The following TBCD variants were observed in gnomAD, a reference collection of about 807,000 sequenced individuals.
The protein encoded by TBCD is tubulin-specific chaperone D.
TBCD carries 105 observed loss-of-function variants against 169.3 expected under a neutral mutation model. That is an observed-to-expected ratio of 0.62 (90% CI 0.53 to 0.73). The LOEUF is 0.73. TBCD is among the 30% of genes least tolerant of loss of function. TBCD has a pLI of 0.00. For missense variants in TBCD, 1,444 were observed against 1,600.1 expected (o/e 0.90, Z 1.66); for synonymous variants, 700 against 643.9 (o/e 1.09, Z -1.32).
chr17:82,859,408 G>C (rs2056581792), intron 13 of TBCD, among the ~76,000 whole-genome samples: 1 of 140,372 alleles, frequency 7.1e-6, no homozygotes, highest in Non-Finnish European at 1.5e-5. Context: ...CCGGCTCTGT[G>C]TCCTCCCCGC....
chr17:82,923,824 G>T lies in TBCD; in HGVS notation c.2260+91G>T, dbSNP rs552575197. 3.8e-4 allele frequency: 395 copies of T among 1,037,776 alleles called. 5 individuals are homozygous for T. The South Asian group carries it at 5.5e-3, about 14-fold the overall frequency. 64.3% of individuals were successfully genotyped at this position (1,037,776 alleles called of 1,614,324 possible). A position where few individuals can be genotyped will look rare whatever the true frequency, so the allele number is the denominator to read the frequency against. On this transcript the variant is annotated intron_variant, in intron 26 of 38. Coordinates refer to ENST00000355528, the MANE Select transcript of TBCD (RefSeq NM_005993.5). The surrounding 1 kb of genome is among the most constrained non-coding windows in gnomAD (Gnocchi z 4.6). The stretch of plus-strand genomic sequence containing the variant: ...TGGGCACGGAGGAGGCCTCGGTTGT[G>T]CAGTGGAGCAGAGCCACCACGATCA...
In TBCD at chr17:82,945,215, T is replaced by C. The variant is rs1455017106; in HGVS notation, c.*2752T>C. ...GCTTAGACACAGCTGAAGAGAGAAT[T>C]AGAAAACTGGAAGATCTGAAAACAT... is the stretch of plus-strand genomic sequence containing the variant. On this transcript the variant is annotated 3_prime_UTR_variant, in exon 39 of 39. Coordinates refer to ENST00000355528, the MANE Select transcript of TBCD (RefSeq NM_005993.5). 1 of 152,210 alleles carries C rather than the reference T, an allele frequency of 6.6e-6. No homozygotes were observed. 9.4% of individuals were successfully genotyped at this position (152,210 alleles called of 1,614,324 possible).
chr17:82,868,167 TGAG>T (rs1003230101), intron 13 of TBCD, among the ~76,000 whole-genome samples: 1 of 150,616 alleles, frequency 6.6e-6, no homozygotes, highest in Non-Finnish European at 1.5e-5. Context: ...TGTGGAGGAG[TGAG>T]GAGGAGCCGG....
intron 27 of TBCD, 29 bp downstream of exon 27, chr17:82,925,086 G>C: frequency 6.6e-7 from 1 of 1,523,416 alleles, no homozygotes. Context: ...AGTGGACGGG[G>C]CCTAGGGCGA....
intron 34 of TBCD, among the ~76,000 whole-genome samples, chr17:82,936,242 T>C (rs556585720): frequency 1.3e-5 from 2 of 152,378 alleles, no homozygotes; most frequent in African/African-American, 4.8e-5. Flanking sequence ...TGATTCTCTC[T>C]GAAGATGTCT....
At chr17:82,754,523 G>A (rs889443947) in intron 1 of TBCD, among the ~76,000 whole-genome samples, 19 of 152,344 alleles carry the variant, frequency 1.2e-4, no homozygotes, top group Non-Finnish European at 1.9e-4. Context: ...ATTAGGTTAC[G>A]CCTTAGCGGA....
At chr17:82,937,211 A>G (rs2062704602) in intron 34 of TBCD, 60 bp from the exon 35 acceptor site, 2 of 1,498,416 alleles carry the variant, frequency 1.3e-6, no homozygotes, top group Non-Finnish European at 1.9e-6. Context: ...AGACAGAAAA[A>G]GTGTGCATCC....
At chr17:82,895,448 G>A (rs192495106) in intron 17 of TBCD, among the ~76,000 whole-genome samples, 14 of 152,334 alleles carry the variant, frequency 9.2e-5, no homozygotes, top group Non-Finnish European at 1.8e-4. Context: ...GGGCCCTGGC[G>A]GGGAGCTGCT....
Position 82,832,539 on chromosome 17 carries a change from C to T in TBCD, c.1318+17605C>T, listed in dbSNP as rs2053610971. 1 of 1,223,826 alleles carries T rather than the reference C, an allele frequency of 8.2e-7. No individual in the cohort carries two copies. Among genetic ancestry groups the T allele is most frequent in the African/African-American group, 1.5e-5 (1 of 67,646 alleles). The allele number at this position is 1,223,826 out of a possible 1,614,324, so 75.8% of individuals were successfully genotyped here. A position where few individuals can be genotyped will look rare whatever the true frequency, so the allele number is the denominator to read the frequency against. On this transcript the variant is annotated intron_variant, in intron 13 of 38. Transcript: ENST00000355528. The surrounding 1 kb of genome is among the most constrained non-coding windows in gnomAD (Gnocchi z 4.9). Reference sequence around the variant, plus strand: ...GTGCACTTCGTGGTTTCTAAAGAGGCACCTCCCGCTTTGCTTTCTTTCCCG... The same window carrying T: ...GTGCACTTCGTGGTTTCTAAAGAGGTACCTCCCGCTTTGCTTTCTTTCCCG...
In TBCD at chr17:82,781,515, G is replaced by T; in HGVS notation, c.639-74G>T. The T allele has an allele frequency of 2.5e-6, 4 of 1,575,408 alleles. No individual in the cohort carries two copies. In the South Asian group the frequency reaches 4.7e-5, roughly 19 times the overall value. On this transcript the variant is annotated intron_variant, in intron 6 of 38. Transcript: ENST00000355528. The stretch of plus-strand genomic sequence containing the variant: ...TGGGAGGGCCTGGGGAGGTGGGTGT[G>T]TGTGGGGTGGGCTGGTGAGGCGTGG...
At chr17:82,927,518 G>C (rs1388175710) in intron 29 of TBCD, among the ~76,000 whole-genome samples, 195 bp downstream of exon 29, 1 of 152,222 alleles carries the variant, frequency 6.6e-6, no homozygotes, top group Non-Finnish European at 1.5e-5. Flanking sequence ...GCAGGTGCTT[G>C]TCCAGCCCGT....
At chr17:82,933,327 T>G (rs1568087353) in intron 34 of TBCD, among the ~76,000 whole-genome samples, 1 of 141,196 alleles carries the variant, frequency 7.1e-6, no homozygotes, top group Non-Finnish European at 1.5e-5. Context: ...CAGGCTGGAG[T>G]GCAGTGGCAC....
Position 82,942,713 on chromosome 17 carries a change from C to T in TBCD, c.*250C>T. The T allele has an allele frequency of 1.7e-6, 1 of 594,778 alleles. No homozygotes were observed. The highest frequency in any genetic ancestry group is 2.0e-5 in the South Asian group (1 of 49,650). 36.8% of individuals were successfully genotyped at this position (594,778 alleles called of 1,614,324 possible). On this transcript the variant is annotated 3_prime_UTR_variant, in exon 39 of 39. Coordinates refer to ENST00000355528, the MANE Select transcript of TBCD (RefSeq NM_005993.5). ...AAATCATGTACCAAGAAGTTCCTGC[C>T]TTTTGTCTCTGAGCCTGATGTGTGT...
Position 82,907,741 on chromosome 17 carries a change from C to CTG in TBCD, c.1923-16_1923-15dup, listed in dbSNP as rs779732545. Reference sequence around the variant, plus strand: ...GGTCTTGGGGAGTGTGACTTCAGCTCTGTGTTTGAACTTCTGCAGGCCCGT... The same window carrying CTG: ...GGTCTTGGGGAGTGTGACTTCAGCTCTGTGTGTTTGAACTTCTGCAGGCCCGT... On this transcript the variant is annotated intron_variant, in intron 20 of 38. Transcript: ENST00000355528. 6 of 1,613,450 alleles carry CTG rather than the reference C, an allele frequency of 3.7e-6. No homozygotes were observed. In the Admixed American group the frequency reaches 1.0e-4, roughly 27 times the overall value.
At chr17:82,841,986 G>A (rs1392324474) in intron 13 of TBCD, among the ~76,000 whole-genome samples, 1 of 152,256 alleles carries the variant, frequency 6.6e-6, no homozygotes, top group Non-Finnish European at 1.5e-5. Flanking sequence ...AAGGCGGAAG[G>A]TTCCAGTCCT....
chr17:82,836,455 G>A (rs1367458113), intron 13 of TBCD, among the ~76,000 whole-genome samples: 1 of 152,242 alleles, frequency 6.6e-6, no homozygotes. Flanking sequence ...TCGCGAGACC[G>A]AAACGCCGCC....
At chr17:82,846,324 C>A (rs577435954) in intron 13 of TBCD, among the ~76,000 whole-genome samples, 2 of 147,412 alleles carry the variant, frequency 1.4e-5, no homozygotes, top group African/African-American at 5.3e-5. Flanking sequence ...TCCAGCGTGC[C>A]GTGTCCTCTC....
intron 13 of TBCD, among the ~76,000 whole-genome samples, chr17:82,825,689 C>T (rs1384472837): frequency 6.6e-6 from 1 of 152,208 alleles, no homozygotes; most frequent in African/African-American, 2.4e-5. Flanking sequence ...AGAACTCTAA[C>T]CAGTTGCAAA....
At chr17:82,778,925 G>A (rs745512711) in intron 6 of TBCD, among the ~76,000 whole-genome samples, 2 of 152,174 alleles carry the variant, frequency 1.3e-5, no homozygotes, top group Admixed American at 1.3e-4. Context: ...ACCTCCCAAA[G>A]TGTTGGGATT....
Sources: gnomAD v4.1 joint callset for allele counts (sites outside exome capture counted in the v4.1 genomes callset) on GRCh38, gnomAD v4.1.1 for gene constraint, Gnocchi (gnomAD v3.1) non-coding constraint, MANE v1.5 for transcripts, NCBI Gene and HGNC (gene_info 2026-07-23, HGNC 2026-07-21) for gene names.